Variants in AFAP1 observed in about 807,000 individuals in gnomAD.
AFAP1 encodes actin filament-associated protein 1.
A neutral mutation model predicts 93.9 loss-of-function variants in AFAP1; 75 were observed. The ratio of observed to expected loss-of-function variants is 0.80; its 90% CI spans 0.66 to 0.97. AFAP1 has a LOEUF of 0.97. Ranked by LOEUF, AFAP1 falls within the 50% of genes least tolerant of loss-of-function variation. The pLI is 0.00. For missense variants in AFAP1, 1,201 were observed against 1,050.8 expected (o/e 1.14, Z -1.98); for synonymous variants, 517 against 430.7 (o/e 1.20, Z -2.48).
intron 16 of AFAP1, among the ~76,000 whole-genome samples, chr4:7,770,234 C>T (rs757482691): frequency 5.9e-5 from 9 of 151,960 alleles, no homozygotes; most frequent in Non-Finnish European, 1.0e-4. Flanking sequence ...AGAAGCGAGG[C>T]GGGGGGTGGC....
At chr4:7,915,130 C>CGCCT (rs1474115658) in intron 1 of AFAP1, among the ~76,000 whole-genome samples, 1 of 152,152 alleles carries the variant, frequency 6.6e-6, no homozygotes, top group African/African-American at 2.4e-5. Flanking sequence ...GTGATCTGCC[C>CGCCT]GCCTCGGCCT....
intron 1 of AFAP1, among the ~76,000 whole-genome samples, chr4:7,915,915 AT>A (rs1335917099): frequency 6.6e-6 from 1 of 152,234 alleles, no homozygotes; most frequent in East Asian, 1.9e-4. Context: ...TTTAATAAGA[AT>A]TTTTTTAAAA....
chr4:7,797,241 A>G (rs1225030524), intron 10 of AFAP1, among the ~76,000 whole-genome samples: 1 of 152,240 alleles, frequency 6.6e-6, no homozygotes, highest in African/African-American at 2.4e-5. Context: ...TGATTGTTAC[A>G]GGCAAAGAGT....
chr4:7,781,559 G>A lies in AFAP1; in HGVS notation c.1599C>T (p.Asn533=), dbSNP rs10516189. ...GCGGCAAGTTATCGTACAGGCCTGCGTTATCATAAAGCACCTCTTCTCCCA... is the reference window on the plus strand; with the variant it reads ...GCGGCAAGTTATCGTACAGGCCTGCATTATCATAAAGCACCTCTTCTCCCA... The part of the protein sequence containing the change: ...RGLGEEVLYD[N]AGLYDNLPPP... The change falls in exon 13 of 18, where the codon AAC becomes AAT. Residue 533 remains asparagine, a synonymous_variant. Transcript: ENST00000420658. 0.098 allele frequency: 152,620 copies of A among 1,551,822 alleles called. 11,672 individuals carry two copies. The highest frequency in any genetic ancestry group is 0.47 in the East Asian group (19,177 of 40,896).
At chr4:7,808,121 T>G (rs1719688367) in intron 9 of AFAP1, among the ~76,000 whole-genome samples, 1 of 152,128 alleles carries the variant, frequency 6.6e-6, no homozygotes, top group Non-Finnish European at 1.5e-5. Context: ...AATGATGGGC[T>G]CACACTGCAG....
intron 1 of AFAP1, among the ~76,000 whole-genome samples, chr4:7,880,468 C>T (rs866064763): frequency 9.2e-5 from 14 of 151,978 alleles, no homozygotes; most frequent in Admixed American, 6.6e-4. Flanking sequence ...TTAGTAGAGA[C>T]GGGGTTTCAC....
rs1245859409 is a variant in AFAP1, at chr4:7,769,018, G to A, written c.2254-10C>T. 2.5e-6 allele frequency: 4 copies of A among 1,598,688 alleles called. No individual in the cohort carries two copies. Among genetic ancestry groups the A allele is most frequent in the Non-Finnish European group, 2.6e-6 (3 of 1,168,794 alleles). ...GCCGGAACACTGGAGACTTAACGGA[G>A]AGAGAGAACCCCATGTGATGAGCGG... On this transcript the variant is annotated splice_polypyrimidine_tract_variant and intron_variant, in intron 16 of 17. Coordinates refer to ENST00000420658, the MANE Select transcript of AFAP1 (RefSeq NM_001134647.2).
rs2149050345 is a variant in AFAP1 at position 7,809,559 on chromosome 4, G to A, written c.1054+55C>T. On this transcript the variant is annotated intron_variant, in intron 9 of 17. Coordinates refer to ENST00000420658, the MANE Select transcript of AFAP1 (RefSeq NM_001134647.2). Reference sequence around the variant, plus strand: ...ACTGGGTACCGACACCACTGCAGGAGAAAATGAAACCCACTTAGGTGCACG... The same window carrying A: ...ACTGGGTACCGACACCACTGCAGGAAAAAATGAAACCCACTTAGGTGCACG... 2.6e-6 allele frequency: 4 copies of A among 1,565,130 alleles called. No homozygotes were observed. The South Asian group carries it at 4.8e-5, about 19-fold the overall frequency.
chr4:7,866,863 C>G (rs1716459144), intron 3 of AFAP1, among the ~76,000 whole-genome samples: 1 of 144,546 alleles, frequency 6.9e-6, no homozygotes, highest in Non-Finnish European at 1.5e-5. Flanking sequence ...GACCCTTTCT[C>G]TATTAAAAAA....
intron 10 of AFAP1, 106 bp from the exon 11 acceptor site, chr4:7,793,932 A>T: frequency 7.9e-7 from 1 of 1,268,606 alleles, no homozygotes; most frequent in South Asian, 2.2e-5. Context: ...ATGAAACATG[A>T]TGTCCCTAAG....
intron 1 of AFAP1, among the ~76,000 whole-genome samples, chr4:7,886,754 A>T (rs950733712): frequency 6.6e-6 from 1 of 152,228 alleles, no homozygotes; most frequent in Non-Finnish European, 1.5e-5. Flanking sequence ...ACAGAACGTG[A>T]TAATGGGTTA....
chr4:7,897,191 G>A (rs1262431348), intron 1 of AFAP1, among the ~76,000 whole-genome samples: 1 of 152,178 alleles, frequency 6.6e-6, no homozygotes, highest in African/African-American at 2.4e-5. Flanking sequence ...GAGGGTCAAA[G>A]AGGTGATGAA....
chr4:7,846,327 T>A (rs1713695650), intron 4 of AFAP1, among the ~76,000 whole-genome samples: 1 of 152,218 alleles, frequency 6.6e-6, no homozygotes, highest in South Asian at 2.1e-4. Flanking sequence ...AAGAGGGTTT[T>A]TAAAACAGTA....
At position 7,786,205 on chromosome 4, in the gene AFAP1, T is replaced by C. The variant is rs1268177835; in HGVS notation, c.1519A>G (p.Ile507Val). 2.5e-6 allele frequency: 4 copies of C among 1,613,916 alleles called. No individual in the cohort carries two copies. Among genetic ancestry groups the C allele is most frequent in the Non-Finnish European group, 3.4e-6 (4 of 1,179,960 alleles). ...AAAAGGGCACTCACCGAGCCGTTGA[T>C]GCACGGGACATCGTCATAATGAAGT... ...TALHYDDVPC[I>V]NGSWEPEDGF... Residue 507 changes from isoleucine to valine, a missense_variant, in exon 12 of 18, where the codon ATC becomes GTC. Ile to Val is a conservative substitution (Grantham distance 29). Coordinates refer to ENST00000420658, the MANE Select transcript of AFAP1 (RefSeq NM_001134647.2).
At chr4:7,884,399 G>GA (rs1560219133) in intron 1 of AFAP1, among the ~76,000 whole-genome samples, 3 of 152,060 alleles carry the variant, frequency 2.0e-5, no homozygotes, top group Non-Finnish European at 4.4e-5. Context: ...ATTTCATATG[G>GA]AAAAAATAAG....
At chr4:7,869,992 A>T (rs1577320815) in intron 2 of AFAP1, among the ~76,000 whole-genome samples, 2 of 152,164 alleles carry the variant, frequency 1.3e-5, no homozygotes, top group Non-Finnish European at 2.9e-5. Context: ...GGCGGAGGGA[A>T]AAGACAGGAA....
At position 7,811,351 on chromosome 4, in the gene AFAP1, G is replaced by A. The variant is rs1029026571; in HGVS notation, c.905-1588C>T. ...ACAAATGAACCCACACACATCCCAC[G>A]GAAGAACTGCAGAGGAAGAGCGGCC... On this transcript the variant is annotated intron_variant, in intron 8 of 17. Transcript: ENST00000420658. Among the ~76,000 whole-genome samples, 8 of 146,220 alleles carry A rather than the reference G, an allele frequency of 5.5e-5. No homozygotes were observed. In the East Asian group the frequency reaches 6.0e-4, roughly 11 times the overall value.
rs1461677850 is a variant in AFAP1 at position 7,774,894 on chromosome 4, T to C, written c.1907A>G (p.Gln636Arg). The change falls in exon 15 of 18, where the codon CAG (glutamine) becomes CGG (arginine). Residue 636 changes from glutamine to arginine, a missense_variant. Gln to Arg is a conservative substitution (Grantham distance 43). Coordinates refer to ENST00000420658, the MANE Select transcript of AFAP1 (RefSeq NM_001134647.2). Reference protein sequence around the residue: ...VVKRTGSNAAQYKYGKNRVEA... With the variant: ...VVKRTGSNAARYKYGKNRVEA... Reference sequence around the variant, plus strand: ...TACCCGGTTCTTGCCATACTTGTACTGGGCAGCATCTTGAGAAGAAAAAAA... The same window carrying C: ...TACCCGGTTCTTGCCATACTTGTACCGGGCAGCATCTTGAGAAGAAAAAAA... 7 of 1,606,626 alleles carry C rather than the reference T, an allele frequency of 4.4e-6. No homozygotes were observed. Among genetic ancestry groups the C allele is most frequent in the Non-Finnish European group, 5.9e-6 (7 of 1,178,252 alleles).
chr4:7,895,062 C>T (rs930012704), intron 1 of AFAP1, among the ~76,000 whole-genome samples: 1 of 152,244 alleles, frequency 6.6e-6, no homozygotes, highest in Non-Finnish European at 1.5e-5. Context: ...TGGTCTCACA[C>T]ACCCGCTTCG....
Sources: gnomAD v4.1 joint callset for allele counts (sites outside exome capture counted in the v4.1 genomes callset) on GRCh38, gnomAD v4.1.1 for gene constraint, MANE v1.5 for transcripts, NCBI Gene and HGNC (gene_info 2026-07-23, HGNC 2026-07-21) for gene names.